The following CSMD3 variants were observed in gnomAD, a reference collection of about 807,000 sequenced individuals.
CSMD3 encodes CUB and sushi domain-containing protein 3.
CSMD3 carries 177 observed loss-of-function variants against 435.2 expected under a neutral mutation model. That is an observed-to-expected ratio of 0.41 (90% CI 0.36 to 0.46). The LOEUF (loss-of-function observed/expected upper bound fraction) is 0.46, where lower values mean the gene tolerates loss of function less well. Among genes scored for constraint, CSMD3 ranks in the 20% least tolerant of loss-of-function variants. CSMD3 has a pLI of 0.34. For missense variants in CSMD3, 4,265 were observed against 4,504.6 expected, an observed-to-expected ratio of 0.95 and a Z score of 1.52; for synonymous variants, 1,656 against 1,520.5, an observed-to-expected ratio of 1.09 and a Z score of -2.07.
At chr8:112,523,158 C>T (rs1824476972) in intron 27 of CSMD3, among the ~76,000 whole-genome samples, 1 of 151,916 alleles carries the variant, frequency 6.6e-6, no homozygotes, top group African/African-American at 2.4e-5. Context: ...AATCTTGGAT[C>T]TCATACAGTT....
chr8:113,399,364 C>T (rs1334416744), intron 1 of CSMD3, among the ~76,000 whole-genome samples: 1 of 151,342 alleles, frequency 6.6e-6, no homozygotes. Context: ...CAGAAAACCT[C>T]GTATGCAAAC....
intron 13 of CSMD3, among the ~76,000 whole-genome samples, chr8:112,775,803 T>C (rs2078231688): frequency 6.6e-6 from 1 of 151,904 alleles, no homozygotes; most frequent in African/African-American, 2.4e-5. Context: ...CTATCTTCCA[T>C]CTTTGCATAA....
chr8:112,786,463 G>A (rs1284120091), intron 13 of CSMD3, among the ~76,000 whole-genome samples: 1 of 151,932 alleles, frequency 6.6e-6, no homozygotes, highest in Non-Finnish European at 1.5e-5. Context: ...GGCAAAGGAG[G>A]CAGGGTGAAG....
chr8:113,203,641 G>A (rs1021796098), intron 3 of CSMD3, among the ~76,000 whole-genome samples: 1 of 151,902 alleles, frequency 6.6e-6, no homozygotes, highest in African/African-American at 2.4e-5. Context: ...AGCGTTTATA[G>A]TGAAAATTTA....
chr8:113,043,545 T>C (rs1401505760), intron 5 of CSMD3, among the ~76,000 whole-genome samples: 1 of 152,170 alleles, frequency 6.6e-6, no homozygotes, highest in Non-Finnish European at 1.5e-5. Context: ...TAGAAAATTA[T>C]ATTCCCCCTT....
intron 1 of CSMD3, among the ~76,000 whole-genome samples, chr8:113,326,201 G>A (rs988789461): frequency 2.0e-5 from 3 of 151,956 alleles, no homozygotes; most frequent in African/African-American, 2.4e-5. Context: ...CACATTTTAC[G>A]GTTCAATAAG....
chr8:113,143,059 T>C (rs2091587886), intron 4 of CSMD3, among the ~76,000 whole-genome samples: 1 of 151,160 alleles, frequency 6.6e-6, no homozygotes, highest in South Asian at 2.1e-4. Context: ...ATTTGCATAC[T>C]ATATATCCAA....
chr8:112,378,037 GA>G (rs1361732851), intron 38 of CSMD3, among the ~76,000 whole-genome samples: 1 of 151,958 alleles, frequency 6.6e-6, no homozygotes, highest in Non-Finnish European at 1.5e-5. Context: ...GCATCCAAGT[GA>G]AAAAGGAAGA....
At chr8:112,492,412 T>C in intron 31 of CSMD3, 77 bp downstream of exon 31, 1 of 1,154,952 alleles carries the variant, frequency 8.7e-7, no homozygotes, top group South Asian at 1.2e-5. Flanking sequence ...GTTGATGTTC[T>C]GAAACACAGA....
At chr8:113,126,199 A>G (rs1367853402) in intron 4 of CSMD3, among the ~76,000 whole-genome samples, 1 of 152,002 alleles carries the variant, frequency 6.6e-6, no homozygotes, top group Non-Finnish European at 1.5e-5. Flanking sequence ...TAACTAGCAT[A>G]GATGAGAAAC....
intron 22 of CSMD3, among the ~76,000 whole-genome samples, chr8:112,593,472 T>G (rs375971226): frequency 1.4e-4 from 22 of 152,322 alleles, no homozygotes; most frequent in African/African-American, 5.3e-4. Flanking sequence ...TTGATTATAA[T>G]GCTGATGAAT....
chr8:112,716,141 GT>G (rs1563887319), intron 13 of CSMD3, among the ~76,000 whole-genome samples: 1 of 152,154 alleles, frequency 6.6e-6, no homozygotes, highest in African/African-American at 2.4e-5. Flanking sequence ...AATTGTTTCT[GT>G]TTTCAGACTA....
intron 5 of CSMD3, among the ~76,000 whole-genome samples, chr8:113,048,250 G>T (rs2087928792): frequency 6.6e-6 from 1 of 151,790 alleles, no homozygotes; most frequent in African/African-American, 2.4e-5. Context: ...CCACTAACAC[G>T]CCCAGCTAAT....
chr8:113,195,791 T>TTATATATATATATATATATATATA (rs749886578), intron 3 of CSMD3, among the ~76,000 whole-genome samples: 1 of 126,044 alleles, frequency 7.9e-6, no homozygotes, highest in Non-Finnish European at 1.6e-5. Context: ...ATCCTATATT[T>TTATATATATATATATATATATATA]TATATATATA....
chr8:112,787,584 C>T (rs144881604), intron 13 of CSMD3, among the ~76,000 whole-genome samples: 1 of 152,120 alleles, frequency 6.6e-6, no homozygotes, highest in Non-Finnish European at 1.5e-5. Flanking sequence ...GCTGCATATA[C>T]ACAATGGAGT....
At chr8:113,277,544 T>C (rs903836279) in intron 3 of CSMD3, among the ~76,000 whole-genome samples, 23 of 152,006 alleles carry the variant, frequency 1.5e-4, no homozygotes, top group African/African-American at 5.3e-4. Flanking sequence ...ACATTTATAC[T>C]GAAACAATTC....
chr8:113,044,020 T>C (rs2087729190), intron 5 of CSMD3, among the ~76,000 whole-genome samples: 1 of 152,080 alleles, frequency 6.6e-6, no homozygotes, highest in Admixed American at 6.5e-5. Context: ...TTAAATTCTT[T>C]TCATATAGGT....
chr8:113,027,675 G>T (rs886514371), intron 5 of CSMD3, among the ~76,000 whole-genome samples: 51 of 152,054 alleles, frequency 3.4e-4, no homozygotes, highest in Non-Finnish European at 5.7e-4. Flanking sequence ...ACAAAGCAAA[G>T]GAGATAATTG....
intron 4 of CSMD3, among the ~76,000 whole-genome samples, chr8:113,171,243 G>A (rs1365534724): frequency 6.6e-6 from 1 of 151,896 alleles, no homozygotes; most frequent in East Asian, 1.9e-4. Flanking sequence ...TATGATTTTG[G>A]TATGTCTGCC....
Sources: allele counts gnomAD v4.1 joint callset (sites outside exome capture counted in the v4.1 genomes callset), GRCh38; gene constraint gnomAD v4.1.1; transcripts MANE v1.5; gene names NCBI Gene and HGNC (gene_info 2026-07-23, HGNC 2026-07-21).